CLNK: variants seen among roughly 807,000 people sequenced by gnomAD.
CLNK encodes cytokine dependent hematopoietic cell linker.
In CLNK, 74 loss-of-function variants were observed where a neutral mutation model predicts 68.6. The ratio of observed to expected loss-of-function variants is 1.08; its 90% CI spans 0.89 to 1.31. CLNK has a LOEUF of 1.31. CLNK is among the 50% of genes most tolerant of loss of function. The probability of loss-of-function intolerance (pLI) is 0.00; values close to 1 mark genes in which losing one functional copy is unlikely to be tolerated. For synonymous variants in CLNK, 198 were observed against 172.2 expected (o/e 1.15, Z -1.17); for missense variants, 553 against 515.3 (o/e 1.07, Z -0.71).
At chr4:10,569,168 G>A (rs1056557816) in intron 5 of CLNK, among the ~76,000 whole-genome samples, 1 of 149,028 alleles carries the variant, frequency 6.7e-6, no homozygotes, top group African/African-American at 2.5e-5. Flanking sequence ...TCCTCCCCAA[G>A]TGAATTGGCC....
chr4:10,640,815 C>G (rs1723279725), intron 2 of CLNK, among the ~76,000 whole-genome samples: 1 of 152,228 alleles, frequency 6.6e-6, no homozygotes, highest in African/African-American at 2.4e-5. Flanking sequence ...GAACTATAAA[C>G]AGCAACGTGA....
intron 8 of CLNK, among the ~76,000 whole-genome samples, chr4:10,554,830 T>C (rs1454454859): frequency 6.6e-6 from 1 of 152,246 alleles, no homozygotes; most frequent in Admixed American, 6.5e-5. Flanking sequence ...CAGTATCATC[T>C]ATCAATTCAC....
At chr4:10,646,457 A>G (rs1190991856) in intron 2 of CLNK, among the ~76,000 whole-genome samples, 3 of 152,216 alleles carry the variant, frequency 2.0e-5, no homozygotes, top group Admixed American at 1.3e-4. Flanking sequence ...GCAAAGAGAA[A>G]TGGCCTGATA....
the CLNK span, among the ~76,000 whole-genome samples, chr4:10,716,758 A>G: frequency 6.9e-6 from 1 of 145,330 alleles, no homozygotes; most frequent in East Asian, 2.1e-4. Context: ...TAATGGTGTG[A>G]TCTCGGCTCA....
chr4:10,699,512 A>ATATATATAT, the CLNK span, among the ~76,000 whole-genome samples: 13 of 32,756 alleles, frequency 4.0e-4, no homozygotes, highest in African/African-American at 1.3e-3. Flanking sequence ...ATATATATAT[A>ATATATATAT]TTTTTTTTTT....
chr4:10,633,271 C>G (rs1722957691), intron 2 of CLNK, among the ~76,000 whole-genome samples: 2 of 152,160 alleles, frequency 1.3e-5, no homozygotes, highest in South Asian at 4.1e-4. Flanking sequence ...CCTTTCCCTG[C>G]TAGAATCAAA....
the CLNK span, among the ~76,000 whole-genome samples, chr4:10,692,414 C>A: frequency 1.3e-5 from 2 of 152,190 alleles, no homozygotes; most frequent in Non-Finnish European, 2.9e-5. Flanking sequence ...GATCCCGTGA[C>A]TCAGGTTCTA....
chr4:10,631,690 T>C (rs570574560), intron 2 of CLNK, among the ~76,000 whole-genome samples: 12 of 152,298 alleles, frequency 7.9e-5, no homozygotes, highest in East Asian at 7.7e-4. Flanking sequence ...AACCAAGATA[T>C]AGAGGAGAGA....
intron 2 of CLNK, among the ~76,000 whole-genome samples, chr4:10,624,329 C>T (rs1014680498): frequency 1.3e-5 from 2 of 152,018 alleles, no homozygotes; most frequent in African/African-American, 4.8e-5. Context: ...TTTTTTGAGA[C>T]GGAGTCTCGC....
chr4:10,733,346 G>T, the CLNK span, among the ~76,000 whole-genome samples: 4 of 152,072 alleles, frequency 2.6e-5, no homozygotes, highest in African/African-American at 9.6e-5. Context: ...TTCACTGCCC[G>T]TTCAGATCTT....
At chr4:10,556,497 A>G (rs1344694929) in intron 8 of CLNK, among the ~76,000 whole-genome samples, 2 of 152,224 alleles carry the variant, frequency 1.3e-5, no homozygotes, top group African/African-American at 4.8e-5. Flanking sequence ...ATGTGGAATA[A>G]TGGTCGAAGA....
At chr4:10,542,394 A>G in intron 8 of CLNK, 114 bp from the exon 9 acceptor site, 1 of 730,744 alleles carries the variant, frequency 1.4e-6, no homozygotes, top group Non-Finnish European at 2.3e-6. Context: ...TGATAACGTC[A>G]GTTAATATTT....
intron 8 of CLNK, among the ~76,000 whole-genome samples, chr4:10,544,531 G>C (rs183380951): frequency 2.0e-5 from 3 of 152,070 alleles, no homozygotes; most frequent in Admixed American, 2.0e-4. Context: ...AGGACAGCAC[G>C]GTGCGGAGAG....
At position 10,542,043 on chromosome 4, in the gene CLNK, T is replaced by G. The variant is rs1264017587; in HGVS notation, c.472-2A>C. 1 of 1,591,430 alleles carries G rather than the reference T, an allele frequency of 6.3e-7. No individual in the cohort carries two copies. Among genetic ancestry groups the G allele is most frequent in the Admixed American group, 1.8e-5 (1 of 56,134 alleles). On this transcript the variant is annotated splice_acceptor_variant, in intron 9 of 18. Transcript: ENST00000226951. LOFTEE classifies it high-confidence loss of function. Reference sequence around the variant, plus strand: ...TTACCGAGGAGGTGGTAAAGGAATCTGAAAAAGAAAAGAGAAACCTAAATT... The same window carrying G: ...TTACCGAGGAGGTGGTAAAGGAATCGGAAAAAGAAAAGAGAAACCTAAATT...
chr4:10,600,907 G>A (rs1465248633), intron 2 of CLNK, among the ~76,000 whole-genome samples: 2 of 152,204 alleles, frequency 1.3e-5, no homozygotes, highest in Non-Finnish European at 2.9e-5. Flanking sequence ...GCCAATTTTA[G>A]GAGGATGGGA....
the CLNK span, among the ~76,000 whole-genome samples, chr4:10,713,865 T>C: frequency 1.2e-4 from 19 of 152,342 alleles, no homozygotes; most frequent in Non-Finnish European, 1.8e-4. Flanking sequence ...AGACCTCTTT[T>C]CTTTACCAAT....
chr4:10,607,823 A>G lies in CLNK; in HGVS notation c.12-9774T>C, dbSNP rs186179438. Among the ~76,000 whole-genome samples, 35 of 152,310 alleles carry G rather than the reference A, an allele frequency of 2.3e-4. 1 individual carries two copies. The highest frequency in any genetic ancestry group is 2.1e-3 in the Admixed American group (32 of 15,302). On this transcript the variant is annotated intron_variant, in intron 2 of 18. Coordinates refer to ENST00000226951, the MANE Select transcript of CLNK (RefSeq NM_052964.4). ...TTCAGATTTGAGCCCTAACTATTTT[A>G]TCAACTCATTGTGTCACTGAACTAA...
the CLNK span, among the ~76,000 whole-genome samples, chr4:10,726,491 C>G: frequency 6.6e-6 from 1 of 152,118 alleles, no homozygotes; most frequent in Non-Finnish European, 1.5e-5. Context: ...GGGCCCAACC[C>G]ACTCCAGTAT....
intron 3 of CLNK, among the ~76,000 whole-genome samples, chr4:10,586,093 C>T (rs567373336): frequency 9.2e-5 from 14 of 152,278 alleles, no homozygotes; most frequent in African/African-American, 2.9e-4. Context: ...AATGCTGCTG[C>T]TGCTCCGACA....
Sources: allele counts gnomAD v4.1 joint callset (sites outside exome capture counted in the v4.1 genomes callset), GRCh38; gene constraint gnomAD v4.1.1; transcripts MANE v1.5; gene names NCBI Gene and HGNC (gene_info 2026-07-23, HGNC 2026-07-21).